The following DLGAP4 variants were observed in gnomAD, a reference collection of about 807,000 sequenced individuals.
DLGAP4 encodes the protein disks large-associated protein 4.
In DLGAP4, 18 loss-of-function variants were observed where a neutral mutation model predicts 86.9. The observed-to-expected ratio is 0.21, with a 90% CI of 0.14 to 0.31. The LOEUF (loss-of-function observed/expected upper bound fraction) is 0.31, where lower values mean the gene tolerates loss of function less well. Among genes scored for constraint, DLGAP4 ranks in the 10% least tolerant of loss-of-function variants. DLGAP4 has a pLI of 1.00. For synonymous variants in DLGAP4, 548 were observed against 574.3 expected (o/e 0.95, Z 0.65); for missense variants, 1,085 against 1,362.6 (o/e 0.80, Z 3.21).
At chr20:36,323,191 A>AG (rs2065186370) in intron 1 of DLGAP4, among the ~76,000 whole-genome samples, 1 of 151,080 alleles carries the variant, frequency 6.6e-6, no homozygotes, top group Admixed American at 6.6e-5. Context: ...AAAAAAAAAA[A>AG]AAAAAAAAAA....
chr20:36,317,457 C>T (rs1184122920), intron 1 of DLGAP4, among the ~76,000 whole-genome samples: 4 of 13,926 alleles, frequency 2.9e-4, no homozygotes, highest in African/African-American at 7.7e-4. Flanking sequence ...TCTTTTCCTT[C>T]TCTTTCTTTT....
chr20:36,511,134 G>A (rs1569523742), intron 10 of DLGAP4: 1 of 152,110 alleles, frequency 6.6e-6, no homozygotes, highest in Non-Finnish European at 1.5e-5. Flanking sequence ...ATTTATTCAA[G>A]AATCCTATTA....
intron 2 of DLGAP4, among the ~76,000 whole-genome samples, chr20:36,373,932 G>T (rs1242190646): frequency 6.6e-6 from 1 of 151,048 alleles, no homozygotes; most frequent in Non-Finnish European, 1.5e-5. Context: ...AGCCACTCGG[G>T]TGACTAAGGT....
At chr20:36,417,428 C>G (rs918345570) in intron 2 of DLGAP4, among the ~76,000 whole-genome samples, 3 of 152,054 alleles carry the variant, frequency 2.0e-5, no homozygotes, top group Non-Finnish European at 2.9e-5. Context: ...GTTGCCCAGT[C>G]TGGAGTATAG....
intron 7 of DLGAP4, among the ~76,000 whole-genome samples, chr20:36,487,118 G>A (rs1472735620): frequency 1.3e-5 from 2 of 150,762 alleles, no homozygotes; most frequent in African/African-American, 4.8e-5. Context: ...CTCTGCAGAT[G>A]GAGGAGGGTG....
At chr20:36,396,343 A>T (rs1023616663) in intron 2 of DLGAP4, among the ~76,000 whole-genome samples, 1 of 822 alleles carries the variant, frequency 1.2e-3, no homozygotes, top group Non-Finnish European at 2.6e-3. Flanking sequence ...ACACGCACAC[A>T]CACACACACA....
chr20:36,499,993 G>A (rs1242002434), intron 9 of DLGAP4, among the ~76,000 whole-genome samples: 1 of 152,200 alleles, frequency 6.6e-6, no homozygotes, highest in Non-Finnish European at 1.5e-5. Flanking sequence ...CCTCGTGTGT[G>A]TGTGCGTGTG....
Position 36,500,547 on chromosome 20 carries a change from G to A in DLGAP4, c.2448G>A (p.Glu816=), listed in dbSNP as rs753426068. 1.3e-6 allele frequency: 2 copies of A among 1,539,634 alleles called. No individual in the cohort carries two copies. Among genetic ancestry groups the A allele is most frequent in the East Asian group, 2.3e-5 (1 of 43,590 alleles). The part of the protein sequence containing the change: ...WFLKLLQAET[E]RLEGWCCQMD... ...TAAAGCTACTGCAGGCAGAAACAGAGCGGCTGGAAGGCTGGTGCTGCCAGA... is the reference window on the plus strand; with the variant it reads ...TAAAGCTACTGCAGGCAGAAACAGAACGGCTGGAAGGCTGGTGCTGCCAGA... The change falls in exon 10 of 13, where the codon GAG becomes GAA. Residue 816 remains glutamate (E), a synonymous_variant. Coordinates refer to ENST00000339266, the MANE Select transcript of DLGAP4 (RefSeq NM_001365621.2). This position sits in a 1 kb window ranked among gnomAD's most constrained non-coding sequence, Gnocchi z 4.6.
intron 2 of DLGAP4, among the ~76,000 whole-genome samples, chr20:36,413,962 G>C (rs1009713774): frequency 6.6e-6 from 1 of 152,168 alleles, no homozygotes; most frequent in Admixed American, 6.5e-5. Context: ...TGGGGAAGAA[G>C]TAGAGTGAGA....
At position 36,496,998 on chromosome 20, in the gene DLGAP4, A is replaced by T; in HGVS notation, c.1942A>T (p.Thr648Ser). The part of the protein sequence containing the change: ...KHAALKSEQG[T>S]LTSSESHPEA... ...TGCAGCTCTGAAAAGTGAACAAGGGACGCTGACCAGCTCTGAGTCCCACCC... is the reference window on the plus strand; with the variant it reads ...TGCAGCTCTGAAAAGTGAACAAGGGTCGCTGACCAGCTCTGAGTCCCACCC... The change falls in exon 8 of 13, where the codon ACG (threonine) becomes TCG (serine). Residue 648 changes from threonine (T) to serine (S), a missense_variant. By Grantham distance (58) the Thr-to-Ser change is moderately conservative. This residue lies in a region of DLGAP4 where 1,082 missense variants were observed against 1,344.1 expected (regional missense o/e 0.81). Coordinates refer to ENST00000339266, the MANE Select transcript of DLGAP4 (RefSeq NM_001365621.2). The T allele has an allele frequency of 6.2e-7, 1 of 1,614,094 alleles. No individual in the cohort carries two copies. Among genetic ancestry groups the T allele is most frequent in the Non-Finnish European group, 8.5e-7 (1 of 1,179,998 alleles).
intron 1 of DLGAP4, among the ~76,000 whole-genome samples, chr20:36,332,243 A>G (rs545504257): frequency 6.6e-6 from 1 of 152,210 alleles, no homozygotes; most frequent in African/African-American, 2.4e-5. Context: ...GAGCCTTCCA[A>G]TGAGTCCTTC....
At chr20:36,499,359 C>G (rs1212670673) in intron 8 of DLGAP4, 10 of 1,589,410 alleles carry the variant, frequency 6.3e-6, no homozygotes, top group Non-Finnish European at 7.7e-6. Flanking sequence ...ATCCCACCTC[C>G]CGCCCACCTG....
chr20:36,421,406 C>T (rs1330468582), intron 2 of DLGAP4, among the ~76,000 whole-genome samples: 2 of 149,728 alleles, frequency 1.3e-5, no homozygotes, highest in African/African-American at 2.5e-5. Context: ...TGCAGTGAGC[C>T]GAGATCGCAC....
chr20:36,352,288 C>T (rs769528473), intron 1 of DLGAP4, among the ~76,000 whole-genome samples: 1 of 152,138 alleles, frequency 6.6e-6, no homozygotes, highest in Non-Finnish European at 1.5e-5. Context: ...TCAGCCTCCA[C>T]TCAGTGAGAT....
chr20:36,499,209 C>G, intron 8 of DLGAP4: 1 of 1,554,964 alleles, frequency 6.4e-7, no homozygotes, highest in African/African-American at 1.4e-5. Flanking sequence ...CTTTCGTCGT[C>G]CTTTTTTTTT....
rs1569509715 is a variant in DLGAP4, at chr20:36,467,065, C to CTCT, written c.1648+20128_1648+20129insTCT. On this transcript the variant is annotated intron_variant, in intron 7 of 12. Transcript: ENST00000339266. Reference sequence around the variant, plus strand: ...CTCTCTCTCTCTCTCTCTCTCTCTCCCCCCCCCTTCTCTCGGCCCTGCCTT... The same window carrying CTCT: ...CTCTCTCTCTCTCTCTCTCTCTCTCCTCTCCCCCCCTTCTCTCGGCCCTGCCTT... Among the ~76,000 whole-genome samples the CTCT allele has an allele frequency of 4.8e-5, 5 of 105,180 alleles. 1 individual carries two copies. The highest frequency in any genetic ancestry group is 2.8e-4 in the African/African-American group (4 of 14,230). The allele number at this position is 105,180 out of a possible 152,430, so 69.0% of individuals were successfully genotyped here.
chr20:36,494,821 A>G (rs190793352), intron 7 of DLGAP4, among the ~76,000 whole-genome samples: 146 of 152,190 alleles, frequency 9.6e-4, no homozygotes, highest in African/African-American at 3.4e-3. Flanking sequence ...GGTCATTTCA[A>G]GAATGTTATA....
intron 4 of DLGAP4, among the ~76,000 whole-genome samples, chr20:36,436,914 TG>T (rs1273901566): frequency 6.6e-6 from 1 of 151,872 alleles, no homozygotes; most frequent in Non-Finnish European, 1.5e-5. Flanking sequence ...CCCGCCCACT[TG>T]TGAGCCCTCC....
chr20:36,452,697 G>T (rs921052309), intron 7 of DLGAP4, among the ~76,000 whole-genome samples: 1 of 151,108 alleles, frequency 6.6e-6, no homozygotes, highest in African/African-American at 2.4e-5. Flanking sequence ...TTTAGTAAAG[G>T]TGGGGTTTCA....
Sources: allele counts gnomAD v4.1 joint callset (sites outside exome capture counted in the v4.1 genomes callset), GRCh38; gene constraint gnomAD v4.1.1; regional missense constraint gnomAD v4.1.1; non-coding constraint Gnocchi (gnomAD v3.1); transcripts MANE v1.5; gene names NCBI Gene and HGNC (gene_info 2026-07-23, HGNC 2026-07-21).